GNB5: variants seen among roughly 807,000 people sequenced by gnomAD.
The protein encoded by GNB5 is G protein subunit beta 5, also known as guanine nucleotide-binding protein subunit beta-5.
GNB5 carries 37 observed loss-of-function variants against 55.3 expected under a neutral mutation model. The ratio of observed to expected loss-of-function variants is 0.67; its 90% confidence interval spans 0.51 to 0.88. GNB5 has a LOEUF of 0.88. Among genes scored for constraint, GNB5 ranks in the 40% least tolerant of loss-of-function variants. The probability of loss-of-function intolerance (pLI) is 0.00; values close to 1 mark genes in which losing one functional copy is unlikely to be tolerated. For missense variants in GNB5, 476 were observed against 515.3 expected, an observed-to-expected ratio of 0.92 and a Z score of 0.74; for synonymous variants, 219 against 198.5, an observed-to-expected ratio of 1.10 and a Z score of -0.87.
chr15:52,151,025 G>A (rs3794546), intron 4 of GNB5, among the ~76,000 whole-genome samples: 7,448 of 152,288 alleles, frequency 0.049, 671 homozygotes, highest in East Asian at 0.41. Flanking sequence ...ATGAGCTGAC[G>A]GAACATTTCT....
chr15:52,139,998 C>T, intron 7 of GNB5: 1 of 1,223,240 alleles, frequency 8.2e-7, no homozygotes, highest in Non-Finnish European at 1.1e-6. Flanking sequence ...ATTTTGGCCA[C>T]TGCACCAGTC....
chr15:52,173,163 A>G (rs2034586066), intron 3 of GNB5, among the ~76,000 whole-genome samples: 2 of 152,256 alleles, frequency 1.3e-5, no homozygotes, highest in African/African-American at 4.8e-5. Context: ...ATCAGTCAAC[A>G]AAGAATAAAT....
chr15:52,124,364 G>C (rs2033363491), intron 12 of GNB5, 109 bp downstream of exon 12: 1 of 856,654 alleles, frequency 1.2e-6, no homozygotes, highest in Non-Finnish European at 1.8e-6. Flanking sequence ...CGGCGAGGCT[G>C]ACCAGGCCCA....
intron 3 of GNB5, among the ~76,000 whole-genome samples, chr15:52,167,893 G>GA (rs1236191196): frequency 1.3e-5 from 2 of 151,592 alleles, no homozygotes; most frequent in African/African-American, 2.4e-5. Flanking sequence ...AAAAACTAAA[G>GA]AAAAAAACCA....
intron 9 of GNB5, among the ~76,000 whole-genome samples, chr15:52,129,787 G>A (rs1329195480): frequency 6.6e-6 from 1 of 152,134 alleles, no homozygotes; most frequent in Non-Finnish European, 1.5e-5. Context: ...AACCCAGGGG[G>A]TGCTACTGGA....
chr15:52,152,571 C>T (rs1302442690), intron 4 of GNB5, among the ~76,000 whole-genome samples: 4 of 151,618 alleles, frequency 2.6e-5, no homozygotes, highest in African/African-American at 4.9e-5. Flanking sequence ...GTGATCCATC[C>T]GCCTCGGCCT....
chr15:52,132,215 T>C (rs540841630), intron 9 of GNB5, among the ~76,000 whole-genome samples: 1 of 152,302 alleles, frequency 6.6e-6, no homozygotes, highest in South Asian at 2.1e-4. Context: ...CTGTGAGTAA[T>C]AAACTGTCCT....
In GNB5 at chr15:52,116,288, G is replaced by A. The variant is rs1261709029; in HGVS notation, c.*6469C>T. 6.6e-6 allele frequency: 1 copy of A among 152,090 alleles called. No individual in the cohort carries two copies. The highest frequency in any genetic ancestry group is 2.4e-5 in the African/African-American group (1 of 41,414). 9.4% of individuals were successfully genotyped at this position (152,090 alleles called of 1,614,324 possible). On this transcript the variant is annotated 3_prime_UTR_variant, in exon 13 of 13. Transcript: ENST00000261837. ...TTGGTGTGCTGGTTAGATAACCTTGGGTTCAAAGACAGACATTTCCTGTTG... is the reference window on the plus strand; with the variant it reads ...TTGGTGTGCTGGTTAGATAACCTTGAGTTCAAAGACAGACATTTCCTGTTG...
At chr15:52,165,791 T>G (rs1772276165) in intron 3 of GNB5, among the ~76,000 whole-genome samples, 1 of 152,022 alleles carries the variant, frequency 6.6e-6, no homozygotes. Flanking sequence ...CAAACAAGTC[T>G]GCAAAATAAC....
chr15:52,190,549 A>G (rs1034288734), intron 1 of GNB5, among the ~76,000 whole-genome samples: 1 of 152,234 alleles, frequency 6.6e-6, no homozygotes, highest in Non-Finnish European at 1.5e-5. Flanking sequence ...TAAAACTACG[A>G]TGTGATACAA....
At chr15:52,186,644 C>T (rs1395833928) in intron 1 of GNB5, among the ~76,000 whole-genome samples, 1 of 152,062 alleles carries the variant, frequency 6.6e-6, no homozygotes, top group African/African-American at 2.4e-5. Context: ...AGAGTGAGCC[C>T]CGTCAAGATT....
At chr15:52,164,853 A>G (rs7165708) in intron 3 of GNB5, among the ~76,000 whole-genome samples, 7,756 of 152,210 alleles carry the variant, frequency 0.051, 680 homozygotes, top group African/African-American at 0.18. Context: ...AACTGGGTTG[A>G]GGCTGAGATA....
At chr15:52,143,255 C>T (rs2033898659) in intron 6 of GNB5, among the ~76,000 whole-genome samples, 1 of 152,088 alleles carries the variant, frequency 6.6e-6, no homozygotes, top group African/African-American at 2.4e-5. Context: ...TCCTCCCTGA[C>T]CCCTGAGCTG....
intron 4 of GNB5, among the ~76,000 whole-genome samples, chr15:52,153,091 TC>T (rs1389995238): frequency 6.6e-6 from 1 of 152,240 alleles, no homozygotes; most frequent in African/African-American, 2.4e-5. Context: ...CCTCTGTGTA[TC>T]AGGGTTGTTC....
At chr15:52,161,894 T>C (rs1295802431) in intron 3 of GNB5, among the ~76,000 whole-genome samples, 1 of 152,146 alleles carries the variant, frequency 6.6e-6, no homozygotes, top group Non-Finnish European at 1.5e-5. Flanking sequence ...CCTGTAGAAG[T>C]CTCCCCCAAC....
rs2033473614 is a variant in GNB5, at chr15:52,128,085, C to CCCA, written c.912+110_912+111insTGG. 6.3e-6 allele frequency: 4 copies of CCCA among 638,324 alleles called. No homozygotes were observed. The East Asian group carries it at 8.7e-5, about 14-fold the overall frequency. 39.5% of individuals were successfully genotyped at this position (638,324 alleles called of 1,614,324 possible). A position where few individuals can be genotyped will look rare whatever the true frequency, so the allele number is the denominator to read the frequency against. ...GTAATTTAATATTCCCCTAAATTTTCTTTATTGAATACTCGTTACTTCTGT... is the reference window on the plus strand; with the variant it reads ...GTAATTTAATATTCCCCTAAATTTTCCCATTTATTGAATACTCGTTACTTCTGT... On this transcript the variant is annotated intron_variant, in intron 10 of 12. Coordinates refer to ENST00000261837, the MANE Select transcript of GNB5 (RefSeq NM_016194.4).
chr15:52,173,791 C>T (rs2034596436), intron 3 of GNB5, among the ~76,000 whole-genome samples: 1 of 152,170 alleles, frequency 6.6e-6, no homozygotes. Context: ...ATCTCAGCTG[C>T]TTTTTCATCT....
intron 7 of GNB5, chr15:52,137,732 A>G (rs2033757955): frequency 1.7e-6 from 2 of 1,189,250 alleles, no homozygotes; most frequent in African/African-American, 3.2e-5. Flanking sequence ...GTGAGGACTC[A>G]GGGTTCGGGG....
chr15:52,179,282 T>C (rs2034713624), intron 3 of GNB5, among the ~76,000 whole-genome samples: 1 of 152,024 alleles, frequency 6.6e-6, no homozygotes, highest in Non-Finnish European at 1.5e-5. Context: ...AAAAATGAGC[T>C]TTGAAATTGC....
Sources: gnomAD v4.1 joint callset for allele counts (sites outside exome capture counted in the v4.1 genomes callset) on GRCh38, gnomAD v4.1.1 for gene constraint, MANE v1.5 for transcripts, NCBI Gene and HGNC (gene_info 2026-07-23, HGNC 2026-07-21) for gene names.